CCND3: variants seen among roughly 807,000 people sequenced by gnomAD.
CCND3 encodes the protein cyclin D3, also known as G1/S-specific cyclin-D3.
A neutral mutation model predicts 28.7 loss-of-function variants in CCND3; 9 were observed. The observed-to-expected ratio is 0.31, with a 90% CI of 0.19 to 0.55. The LOEUF is 0.55. Among genes scored for constraint, CCND3 ranks in the 20% least tolerant of loss-of-function variants. CCND3 has a pLI of 0.93. For missense variants in CCND3, 315 were observed against 385.8 expected, an observed-to-expected ratio of 0.82 and a Z score of 1.54; for synonymous variants, 164 against 163.9, an observed-to-expected ratio of 1.00 and a Z score of 0.00.
intron 1 of CCND3, among the ~76,000 whole-genome samples, chr6:41,988,699 C>CTTTTTTTTTTT (rs758582662): frequency 1.0e-5 from 1 of 96,728 alleles, no homozygotes; most frequent in African/African-American, 3.4e-5. Context: ...AACTTCTTTT[C>CTTTTTTTTTTT]TTTTTTTTTT....
chr6:41,985,891 A>C (rs1303413412), intron 1 of CCND3, among the ~76,000 whole-genome samples: 14 of 2,730 alleles, frequency 5.1e-3, no homozygotes, highest in Admixed American at 0.017. Flanking sequence ...GGCCTCCCAA[A>C]GTGCTGGGAT....
intron 1 of CCND3, among the ~76,000 whole-genome samples, chr6:42,021,037 C>G (rs1388327517): frequency 6.6e-6 from 1 of 152,214 alleles, no homozygotes; most frequent in Non-Finnish European, 1.5e-5. Context: ...TAGGCGTGAG[C>G]CACCGTGCCC....
At chr6:41,961,743 C>G (rs1439004896) in intron 1 of CCND3, among the ~76,000 whole-genome samples, 1 of 152,116 alleles carries the variant, frequency 6.6e-6, no homozygotes, top group South Asian at 2.1e-4. Flanking sequence ...GCTCTACCCT[C>G]CACCCCAAAC....
chr6:42,041,826 C>A (rs560789413), intron 1 of CCND3, among the ~76,000 whole-genome samples: 29 of 152,302 alleles, frequency 1.9e-4, no homozygotes, highest in African/African-American at 6.7e-4. Flanking sequence ...GGGCCCTCTG[C>A]GCCTCATGCT....
intron 1 of CCND3, among the ~76,000 whole-genome samples, chr6:41,997,669 A>G (rs2127419311): frequency 6.6e-6 from 1 of 152,204 alleles, no homozygotes; most frequent in Admixed American, 6.6e-5. Flanking sequence ...AGATAAGAGG[A>G]TCACTTGAGC....
chr6:42,007,497 G>A (rs531738511), intron 1 of CCND3, among the ~76,000 whole-genome samples: 3 of 152,232 alleles, frequency 2.0e-5, no homozygotes, highest in African/African-American at 7.2e-5. Context: ...GGCAGGAGGC[G>A]GAGCCCAAAT....
At chr6:42,044,816 T>A (rs571124924) in intron 1 of CCND3, among the ~76,000 whole-genome samples, 1 of 151,654 alleles carries the variant, frequency 6.6e-6, no homozygotes, top group East Asian at 1.9e-4. Context: ...TGAGACGGAG[T>A]CTCACTCTGT....
intron 1 of CCND3, among the ~76,000 whole-genome samples, chr6:41,947,144 C>A (rs953335078): frequency 9.9e-5 from 15 of 151,962 alleles, no homozygotes; most frequent in South Asian, 2.1e-4. Context: ...TCGCTTGAAC[C>A]CACCAGGTAG....
At chr6:42,006,538 T>C (rs1417147423) in intron 1 of CCND3, among the ~76,000 whole-genome samples, 4 of 151,812 alleles carry the variant, frequency 2.6e-5, no homozygotes, top group South Asian at 2.1e-4. Flanking sequence ...AGGTATAGAA[T>C]TGAAAAAAAA....
intron 1 of CCND3, among the ~76,000 whole-genome samples, chr6:42,026,743 T>C (rs115253804): frequency 0.011 from 1,613 of 152,268 alleles, 31 homozygotes; most frequent in African/African-American, 0.037. Flanking sequence ...AGGGATGTCA[T>C]CTGGCAACTT....
chr6:41,954,565 A>C (rs1315389172), intron 1 of CCND3, among the ~76,000 whole-genome samples: 1 of 151,776 alleles, frequency 6.6e-6, no homozygotes, highest in East Asian at 1.9e-4. Context: ...AAAAAAAAAA[A>C]AAAATTTTGT....
In CCND3 at chr6:41,941,560, G is replaced by T. The variant is rs1192804534; in HGVS notation, c.90C>A (p.Ser30Arg). The T allele has an allele frequency of 6.3e-7, 1 of 1,586,396 alleles. No homozygotes were observed. Among genetic ancestry groups the T allele is most frequent in the Non-Finnish European group, 8.6e-7 (1 of 1,168,970 alleles). Residue 30 changes from serine (S) to arginine (R), a missense_variant, in exon 1 of 5, where the codon AGC (serine) becomes AGA (arginine). Transcript: ENST00000372991. This position sits in a 1 kb window ranked among gnomAD's most constrained non-coding sequence, Gnocchi z 6.1. ...CGTAGCGCTCCTCCAGGCGGAGCAGGCTCTGCAGGACACGCTGGTCCCCCA... is the reference window on the plus strand; with the variant it reads ...CGTAGCGCTCCTCCAGGCGGAGCAGTCTCTGCAGGACACGCTGGTCCCCCA... Reference protein sequence around the residue: ...RLLGDQRVLQSLLRLEERYVP... With the variant: ...RLLGDQRVLQRLLRLEERYVP...
intron 1 of CCND3, among the ~76,000 whole-genome samples, chr6:42,006,506 A>G (rs1202892017): frequency 6.6e-6 from 1 of 152,144 alleles, no homozygotes; most frequent in Non-Finnish European, 1.5e-5. Context: ...AGCAAAACAC[A>G]AAACAAAGGA....
chr6:41,970,200 G>A (rs953572326), intron 1 of CCND3, among the ~76,000 whole-genome samples: 3 of 152,002 alleles, frequency 2.0e-5, no homozygotes, highest in Non-Finnish European at 4.4e-5. Flanking sequence ...TTAGCTGGGC[G>A]TGGTGGCACG....
At chr6:42,009,054 A>G (rs1475551324) in intron 1 of CCND3, among the ~76,000 whole-genome samples, 1 of 152,222 alleles carries the variant, frequency 6.6e-6, no homozygotes, top group Non-Finnish European at 1.5e-5. Flanking sequence ...TAGCTAAGGT[A>G]TACAGAAGTG....
chr6:41,965,708 C>A (rs539004782), intron 1 of CCND3, among the ~76,000 whole-genome samples: 1 of 152,250 alleles, frequency 6.6e-6, no homozygotes, highest in South Asian at 2.1e-4. Context: ...GGGCCAGGAA[C>A]CCTCCCTCAG....
chr6:42,028,172 A>G (rs1763937769), intron 1 of CCND3, among the ~76,000 whole-genome samples: 1 of 152,228 alleles, frequency 6.6e-6, no homozygotes, highest in African/African-American at 2.4e-5. Context: ...TGCTCTTACT[A>G]TGATGCTAAG....
At position 41,936,793 on chromosome 6, in the gene CCND3, T is replaced by C; in HGVS notation, c.575-98A>G. 2 of 1,303,088 alleles carry C rather than the reference T, an allele frequency of 1.5e-6. No individual in the cohort carries two copies. The highest frequency in any genetic ancestry group is 4.2e-5 in the Admixed American group (2 of 47,464). The allele number at this position is 1,303,088 out of a possible 1,614,324, so 80.7% of individuals were successfully genotyped here. On this transcript the variant is annotated intron_variant, in intron 3 of 4. Transcript: ENST00000372991. This position sits in a 1 kb window ranked among gnomAD's most constrained non-coding sequence, Gnocchi z 4.4. The stretch of plus-strand genomic sequence containing the variant: ...CTTGGAAAGTGCCAGGCAGCATGAG[T>C]AGAGCAGAGGACATGCTGGAAAACT...
chr6:41,978,157 G>T (rs545007630), intron 1 of CCND3, among the ~76,000 whole-genome samples: 1 of 151,474 alleles, frequency 6.6e-6, no homozygotes, highest in East Asian at 2.0e-4. Context: ...GGTGGATCAC[G>T]AGGTCAGGAG....
Sources: allele counts gnomAD v4.1 joint callset (sites outside exome capture counted in the v4.1 genomes callset), GRCh38; gene constraint gnomAD v4.1.1; non-coding constraint Gnocchi (gnomAD v3.1); transcripts MANE v1.5; gene names NCBI Gene and HGNC (gene_info 2026-07-23, HGNC 2026-07-21).